Variants in MYH15 observed in about 807,000 individuals in gnomAD.
The protein encoded by MYH15 is myosin heavy chain 15, also known as myosin-15.
Under a neutral mutation model 240.5 loss-of-function variants are expected in MYH15, and 227 were observed. The observed-to-expected ratio is 0.94, with a 90% CI of 0.85 to 1.05. The LOEUF (loss-of-function observed/expected upper bound fraction) is 1.05. MYH15 is among the 50% of genes least tolerant of loss of function. The pLI is 0.00. For synonymous variants in MYH15, 785 were observed against 796.7 expected (o/e 0.99, Z 0.25); for missense variants, 2,217 against 2,247.5 (o/e 0.99, Z 0.27).
In MYH15 at chr3:108,501,839, T is replaced by C; in HGVS notation, c.212A>G (p.Glu71Gly). Reference sequence around the variant, plus strand: ...AGGATTCATCTGCTGGATTTTGTCCTCCTTTATGCTCAGACTCTGCAGAGA... The same window carrying C: ...AGGATTCATCTGCTGGATTTTGTCCCCCTTTATGCTCAGACTCTGCAGAGA... ...TADGESLSIK[E>G]DKIQQMNPPE... Residue 71 changes from glutamate to glycine, a missense_variant, in exon 3 of 41, where the codon GAG (glutamate) becomes GGG (glycine). Physicochemically the swap from Glu to Gly is moderately conservative, Grantham distance 98 (BLOSUM62 -2). Transcript: ENST00000693548. 1 of 1,614,016 alleles carries C rather than the reference T, an allele frequency of 6.2e-7. No homozygotes were observed. The highest frequency in any genetic ancestry group is 8.5e-7 in the Non-Finnish European group (1 of 1,179,908).
chr3:108,489,182 C>A (rs775839482), intron 9 of MYH15, among the ~76,000 whole-genome samples: 12 of 152,202 alleles, frequency 7.9e-5, no homozygotes, highest in Non-Finnish European at 1.5e-4. Context: ...GTACAGTTTG[C>A]AAATATTTTT....
chr3:108,403,706 T>G (rs542880274), intron 33 of MYH15, among the ~76,000 whole-genome samples: 2 of 152,230 alleles, frequency 1.3e-5, no homozygotes, highest in East Asian at 3.9e-4. Flanking sequence ...TATGAATCAT[T>G]AACTAAAATT....
In MYH15 at chr3:108,398,237, A is replaced by G. The variant is rs370203372; in HGVS notation, c.5133+400T>C. 4.6e-5 allele frequency among the ~76,000 whole-genome samples: 7 copies of G among 152,160 alleles called. No individual in the cohort carries two copies. The South Asian group carries it at 6.2e-4, about 14-fold the overall frequency. On this transcript the variant is annotated intron_variant, in intron 35 of 40. Coordinates refer to ENST00000693548, the MANE Select transcript of MYH15 (RefSeq NM_014981.3). Reference sequence around the variant, plus strand: ...GCTGTGAAGACACAGGAAGAACACCATGTGAAGGCGGAAGGTTAGAGTGAT... The same window carrying G: ...GCTGTGAAGACACAGGAAGAACACCGTGTGAAGGCGGAAGGTTAGAGTGAT...
chr3:108,412,184 T>C (rs1033120636), intron 30 of MYH15, among the ~76,000 whole-genome samples: 5 of 152,354 alleles, frequency 3.3e-5, no homozygotes, highest in Non-Finnish European at 4.4e-5. Context: ...CATCTTGTAG[T>C]TCCCATAATC....
At chr3:108,434,882 T>TA (rs2082818379) in intron 25 of MYH15, among the ~76,000 whole-genome samples, 1 of 152,236 alleles carries the variant, frequency 6.6e-6, no homozygotes, top group African/African-American at 2.4e-5. Context: ...CATTTATTCT[T>TA]AATATCATAC....
At chr3:108,411,015 G>T in intron 30 of MYH15, 83 bp from the exon 31 acceptor site, 3 of 1,194,932 alleles carry the variant, frequency 2.5e-6, no homozygotes, top group Non-Finnish European at 3.5e-6. Flanking sequence ...TAAAGATAGA[G>T]CTTGGGTGCA....
In MYH15 at chr3:108,441,019, T is replaced by C. The variant is rs746421802; in HGVS notation, c.2897A>G (p.Lys966Arg). Residue 966 changes from lysine (K) to arginine (R), a missense_variant and splice_region_variant, in exon 23 of 41, where the codon AAG becomes AGG. By Grantham distance (26) the Lys-to-Arg change is conservative. Transcript: ENST00000693548. ...TAACTAACATTATGGAAAAAGTACCTTGTGCTCTGTAGTACGCTTCTCCTT... is the reference window on the plus strand; with the variant it reads ...TAACTAACATTATGGAAAAAGTACCCTGTGCTCTGTAGTACGCTTCTCCTT... The part of the protein sequence containing the change: ...SEKEKRTTEH[K>R]VKNLTEEVEF... 8.7e-6 allele frequency: 14 copies of C among 1,613,882 alleles called. No homozygotes were observed. The South Asian group carries it at 1.1e-4, about 13-fold the overall frequency.
chr3:108,456,134 G>A (rs574864562), intron 19 of MYH15, among the ~76,000 whole-genome samples: 2 of 152,292 alleles, frequency 1.3e-5, no homozygotes, highest in South Asian at 4.1e-4. Flanking sequence ...GAAAGAGAGG[G>A]AGGGAGGAAA....
At chr3:108,396,642 T>G (rs2082463619) in intron 35 of MYH15, among the ~76,000 whole-genome samples, 1 of 152,174 alleles carries the variant, frequency 6.6e-6, no homozygotes, top group African/African-American at 2.4e-5. Flanking sequence ...AAAAAGTCTG[T>G]AGTCTATTTT....
At chr3:108,457,109 G>C (rs922258394) in intron 18 of MYH15, among the ~76,000 whole-genome samples, 1 of 152,036 alleles carries the variant, frequency 6.6e-6, no homozygotes, top group Non-Finnish European at 1.5e-5. Context: ...CTTTAACATG[G>C]AACAAGCCCC....
chr3:108,539,679 A>G, the MYH15 span, among the ~76,000 whole-genome samples: 1 of 152,228 alleles, frequency 6.6e-6, no homozygotes, highest in South Asian at 2.1e-4. Flanking sequence ...ATTTGTTCAA[A>G]TATATGCAAA....
At chr3:108,464,556 A>C (rs1182987028) in intron 15 of MYH15, 82 bp downstream of exon 15, 55 of 1,311,542 alleles carry the variant, frequency 4.2e-5, no homozygotes, top group Middle Eastern at 1.9e-4. Context: ...AACATTACTT[A>C]AATATCATCT....
chr3:108,386,265 C>A (rs561568322), intron 38 of MYH15, among the ~76,000 whole-genome samples: 9 of 152,296 alleles, frequency 5.9e-5, no homozygotes, highest in African/African-American at 1.9e-4. Flanking sequence ...GATGTCCCTC[C>A]CACATGGGAA....
chr3:108,414,186 C>T (rs919756101), intron 30 of MYH15, 46 bp downstream of exon 30: 9 of 1,569,120 alleles, frequency 5.7e-6, no homozygotes, highest in Non-Finnish European at 5.2e-6. Flanking sequence ...TCTCATACTG[C>T]TCCATGTGAG....
chr3:108,406,838 C>T (rs1359552111), intron 32 of MYH15, among the ~76,000 whole-genome samples: 1 of 152,112 alleles, frequency 6.6e-6, no homozygotes, highest in African/African-American at 2.4e-5. Flanking sequence ...ACGTGATGAT[C>T]GACTGAATAC....
At chr3:108,496,826 T>C (rs1249114813) in intron 6 of MYH15, among the ~76,000 whole-genome samples, 1 of 144,088 alleles carries the variant, frequency 6.9e-6, no homozygotes, top group Non-Finnish European at 1.5e-5. Flanking sequence ...ACCACAAACA[T>C]CTAAAATGCT....
At chr3:108,485,480 C>T (rs1231277929) in intron 10 of MYH15, among the ~76,000 whole-genome samples, 2 of 152,198 alleles carry the variant, frequency 1.3e-5, no homozygotes, top group Non-Finnish European at 2.9e-5. Context: ...TCCTTCAATG[C>T]CCTGCCTCTC....
In MYH15 at chr3:108,501,985, A is replaced by C. The variant is rs764963127; in HGVS notation, c.196-130T>G. On this transcript the variant is annotated intron_variant, in intron 2 of 40. Coordinates refer to ENST00000693548, the MANE Select transcript of MYH15 (RefSeq NM_014981.3). ...CCTCATTAGGGGATGGGGCCAGAAG[A>C]AATTAAGCCAGCCTTCATGGAAAAA... 3.2e-6 allele frequency: 3 copies of C among 950,860 alleles called. No homozygotes were observed. The East Asian group carries it at 7.3e-5, about 23-fold the overall frequency. 58.9% of individuals were successfully genotyped at this position (950,860 alleles called of 1,614,324 possible).
intron 16 of MYH15, among the ~76,000 whole-genome samples, chr3:108,460,844 G>A (rs1487772644): frequency 1.3e-5 from 2 of 152,042 alleles, no homozygotes; most frequent in Non-Finnish European, 2.9e-5. Flanking sequence ...GTGCAGCTGT[G>A]TTATAGGTGA....
Sources: gnomAD v4.1 joint callset for allele counts (sites outside exome capture counted in the v4.1 genomes callset) on GRCh38, gnomAD v4.1.1 for gene constraint, MANE v1.5 for transcripts, NCBI Gene and HGNC (gene_info 2026-07-23, HGNC 2026-07-21) for gene names.